GABRB1: variants seen among roughly 807,000 people sequenced by gnomAD.
GABRB1 encodes the protein gamma-aminobutyric acid type A receptor subunit beta1, also known as gamma-aminobutyric acid receptor subunit beta-1.
Under a neutral mutation model 51.6 loss-of-function variants are expected in GABRB1, and 17 were observed. The observed-to-expected ratio is 0.33, with a 90% confidence interval of 0.23 to 0.49. The LOEUF is 0.49. Among genes scored for constraint, GABRB1 ranks in the 20% least tolerant of loss-of-function variants. The probability of loss-of-function intolerance (pLI) is 0.99; values close to 1 mark genes in which losing one functional copy is unlikely to be tolerated. For missense variants in GABRB1, 410 were observed against 600.6 expected (o/e 0.68, Z 3.32); for synonymous variants, 247 against 218.9 (o/e 1.13, Z -1.14).
At chr4:47,088,675 G>A (rs1177737299) in intron 3 of GABRB1, among the ~76,000 whole-genome samples, 2 of 152,202 alleles carry the variant, frequency 1.3e-5, no homozygotes, top group Non-Finnish European at 2.9e-5. Context: ...GGGCTCCGAA[G>A]CAGGGAATTC....
intron 4 of GABRB1, among the ~76,000 whole-genome samples, chr4:47,281,674 C>A (rs1349385742): frequency 6.6e-6 from 1 of 151,754 alleles, no homozygotes; most frequent in Non-Finnish European, 1.5e-5. Flanking sequence ...AATGGATAAA[C>A]AAAAGGTGGT....
Position 47,017,754 on chromosome 4 carries a change from A to G in GABRB1, c.-19-14160A>G, listed in dbSNP as rs78114690. Among the ~76,000 whole-genome samples the G allele has an allele frequency of 1.7e-3, 253 of 152,304 alleles. 6 individuals are homozygous for G. The East Asian group carries it at 0.046, about 28-fold the overall frequency. Reference sequence around the variant, plus strand: ...TCACTGTGACTATTTTATGAACAGCATCTGACTCATCTCTCAATCAAAATT... The same window carrying G: ...TCACTGTGACTATTTTATGAACAGCGTCTGACTCATCTCTCAATCAAAATT... On this transcript the variant is annotated intron_variant, in intron 1 of 3. Transcript: ENST00000513567.
chr4:47,119,005 G>A (rs1715626476), intron 3 of GABRB1, among the ~76,000 whole-genome samples: 1 of 152,116 alleles, frequency 6.6e-6, no homozygotes, highest in African/African-American at 2.4e-5. Context: ...ACACTTGCAA[G>A]CTGTACATGC....
chr4:47,254,361 G>GTTTTTTTTTTTTTTTTTTTTTTTT (rs56838956), intron 4 of GABRB1, among the ~76,000 whole-genome samples: 4 of 80,964 alleles, frequency 4.9e-5, no homozygotes, highest in African/African-American at 2.1e-4. Context: ...TCTTTTCTTT[G>GTTTTTTTTTTTTTTTTTTTTTTTT]TTTTTTTTTT....
In GABRB1 at chr4:47,032,501, G is replaced by T; in HGVS notation, c.240+17G>T. On this transcript the variant is annotated intron_variant, in intron 3 of 8. Transcript: ENST00000295454. ...GTGAATATGGTGAGTGGCCTCCCGAGGGGCCCGGCGGTTCGGCTTACGCAG... is the reference window on the plus strand; with the variant it reads ...GTGAATATGGTGAGTGGCCTCCCGATGGGCCCGGCGGTTCGGCTTACGCAG... 1 of 1,612,912 alleles carries T rather than the reference G, an allele frequency of 6.2e-7. No homozygotes were observed. Among genetic ancestry groups the T allele is most frequent in the Non-Finnish European group, 8.5e-7 (1 of 1,179,010 alleles).
chr4:47,011,977 T>C (rs1193787541), intron 1 of GABRB1, among the ~76,000 whole-genome samples: 1 of 152,140 alleles, frequency 6.6e-6, no homozygotes, highest in East Asian at 1.9e-4. Flanking sequence ...CTAACATTTG[T>C]CAAAATTGAT....
At chr4:47,382,586 A>T (rs1012765747) in intron 5 of GABRB1, among the ~76,000 whole-genome samples, 1 of 152,158 alleles carries the variant, frequency 6.6e-6, no homozygotes, top group Non-Finnish European at 1.5e-5. Flanking sequence ...AGAAACTTGG[A>T]AGCATTCAGC....
intron 4 of GABRB1, 128 bp from the exon 5 acceptor site, chr4:47,319,999 T>G: frequency 1.4e-6 from 1 of 706,902 alleles, no homozygotes; most frequent in Non-Finnish European, 2.6e-6. Flanking sequence ...TAATAGTTTC[T>G]TAAAATCTCA....
At chr4:47,158,246 T>C (rs2109732161) in intron 3 of GABRB1, among the ~76,000 whole-genome samples, 1 of 152,188 alleles carries the variant, frequency 6.6e-6, no homozygotes, top group Middle Eastern at 3.4e-3. Context: ...TAATATAGCA[T>C]TTATCATTCA....
At chr4:47,235,614 A>T (rs1252585253) in intron 4 of GABRB1, among the ~76,000 whole-genome samples, 1 of 151,988 alleles carries the variant, frequency 6.6e-6, no homozygotes, top group Non-Finnish European at 1.5e-5. Flanking sequence ...CTTTGGGAAG[A>T]TAGAAGACTA....
At chr4:47,029,042 A>G (rs910185269), upstream of GABRB1, among the ~76,000 whole-genome samples, 25 of 151,760 alleles carry the variant, frequency 1.6e-4, no homozygotes, top group African/African-American at 6.0e-4. Context: ...GCATGTAGAC[A>G]TTCAACTATT....
intron 3 of GABRB1, among the ~76,000 whole-genome samples, chr4:47,092,157 CTTTCTTTCTTTTTTTTTTT>C (rs1728327273): frequency 1.0e-5 from 1 of 99,768 alleles, no homozygotes; most frequent in Admixed American, 1.0e-4. Context: ...TTCTTTCTTT[CTTTCTTTCTTTTTTTTTTT>C]TTTTTTTTTT....
At chr4:47,324,983 C>T (rs1356165922) in intron 5 of GABRB1, among the ~76,000 whole-genome samples, 1 of 152,154 alleles carries the variant, frequency 6.6e-6, no homozygotes, top group Non-Finnish European at 1.5e-5. Flanking sequence ...GCTCTATTGC[C>T]ACCAGTCTTT....
intron 3 of GABRB1, among the ~76,000 whole-genome samples, chr4:47,125,559 C>CTGTTTTTTTTTTTT (rs1716085338): frequency 1.2e-5 from 1 of 80,696 alleles, no homozygotes; most frequent in African/African-American, 3.9e-5. Flanking sequence ...AGTATAATTT[C>CTGTTTTTTTTTTTT]TTTTTTTTTT....
intron 5 of GABRB1, among the ~76,000 whole-genome samples, chr4:47,352,172 A>AT (rs1223792448): frequency 3.9e-5 from 6 of 152,158 alleles, no homozygotes; most frequent in African/African-American, 1.2e-4. Flanking sequence ...GATGACGAGC[A>AT]TTTTTTCATG....
chr4:47,024,046 A>T (rs950382548), intron 1 of GABRB1, among the ~76,000 whole-genome samples: 5 of 151,988 alleles, frequency 3.3e-5, no homozygotes, highest in Non-Finnish European at 1.5e-5. Context: ...CTACTGTGCC[A>T]TTCAACCCAT....
intron 3 of GABRB1, among the ~76,000 whole-genome samples, chr4:47,035,134 A>G (rs1322849481): frequency 6.6e-6 from 1 of 152,154 alleles, no homozygotes; most frequent in Non-Finnish European, 1.5e-5. Flanking sequence ...ATAATTGTGC[A>G]TTAAATTAGT....
At chr4:47,167,314 G>A (rs560994043) in intron 4 of GABRB1, among the ~76,000 whole-genome samples, 10 of 152,032 alleles carry the variant, frequency 6.6e-5, no homozygotes, top group South Asian at 2.1e-4. Flanking sequence ...AGCCATGTGC[G>A]CGCTGAAACA....
At chr4:47,109,312 G>A (rs1434395194) in intron 3 of GABRB1, among the ~76,000 whole-genome samples, 3 of 151,962 alleles carry the variant, frequency 2.0e-5, no homozygotes, top group Non-Finnish European at 4.4e-5. Context: ...GATCATTAAA[G>A]TCCCTTTTAA....
Sources: allele counts gnomAD v4.1 joint callset (sites outside exome capture counted in the v4.1 genomes callset), GRCh38; gene constraint gnomAD v4.1.1; transcripts MANE v1.5; gene names NCBI Gene and HGNC (gene_info 2026-07-23, HGNC 2026-07-21).